EPHB3: variants seen among roughly 807,000 people sequenced by gnomAD.
The protein encoded by EPHB3 is EPH receptor B3.
EPHB3 carries 33 observed loss-of-function variants against 100.2 expected under a neutral mutation model. That is an observed-to-expected ratio of 0.33 (90% CI 0.25 to 0.44). The LOEUF (loss-of-function observed/expected upper bound fraction) is 0.44. Among genes scored for constraint, EPHB3 ranks in the 20% least tolerant of loss-of-function variants. EPHB3 has a pLI of 1.00. For missense variants in EPHB3, 1,045 were observed against 1,378.3 expected (o/e 0.76, Z 3.83); for synonymous variants, 526 against 554.7 (o/e 0.95, Z 0.73).
At position 184,561,911 on chromosome 3, in the gene EPHB3, A is replaced by T. The variant is rs1714255969; in HGVS notation, c.-325A>T. The stretch of plus-strand genomic sequence containing the variant: ...GCCAGATTACTGTGCATCCCGAATC[A>T]CGACCACCTGCACCCTCCTGCCCCG... On this transcript the variant is annotated 5_prime_UTR_variant, in exon 1 of 16. Transcript: ENST00000330394. The T allele has an allele frequency of 6.5e-6, 1 of 153,894 alleles. No individual in the cohort carries two copies. The highest frequency in any genetic ancestry group is 1.4e-5 in the Non-Finnish European group (1 of 69,454). 9.5% of individuals were successfully genotyped at this position (153,894 alleles called of 1,614,324 possible).
chr3:184,577,727 G>A lies in EPHB3; in HGVS notation c.1549G>A (p.Ala517Thr), dbSNP rs372320884. 39 of 1,611,338 alleles carry A rather than the reference G, an allele frequency of 2.4e-5. No individual in the cohort carries two copies. The highest frequency in any genetic ancestry group is 5.0e-5 in the Admixed American group (3 of 59,920). Residue 517 changes from alanine (A) to threonine (T), a missense_variant, in exon 7 of 16, where the codon GCC (alanine) becomes ACC (threonine). Around this residue, in one of 2 missense-constraint regions of EPHB3, gnomAD observed 985 missense variants for 1,331.1 expected, o/e 0.74. Transcript: ENST00000330394. This position sits in a 1 kb window ranked among gnomAD's most constrained non-coding sequence, Gnocchi z 4.9. ...GCAGCTGGACGGGCTTCGGCCTGAC[G>A]CCCGCTATGTGGTCCAGGTCCGTGC... is the stretch of plus-strand genomic sequence containing the variant. ...SVQLDGLRPDARYVVQVRART... is the reference protein window; with the variant it reads ...SVQLDGLRPDTRYVVQVRART...
Position 184,577,604 on chromosome 3 carries a change from G to T in EPHB3, c.1480-54G>T, listed in dbSNP as rs2108438944. 3 of 1,570,632 alleles carry T rather than the reference G, an allele frequency of 1.9e-6. No individual in the cohort carries two copies. In the Admixed American group the frequency reaches 5.2e-5, roughly 27 times the overall value. On this transcript the variant is annotated intron_variant, in intron 6 of 15. Transcript: ENST00000330394. The surrounding 1 kb of genome is among the most constrained non-coding windows in gnomAD (Gnocchi z 4.9). ...GTGGCAGGCCTGGGTGTGAATAGGGGCTGGTTGGCCTCAGGACCCACCTGA... is the reference window on the plus strand; with the variant it reads ...GTGGCAGGCCTGGGTGTGAATAGGGTCTGGTTGGCCTCAGGACCCACCTGA...
chr3:184,567,783 ATAC>A lies in EPHB3; in HGVS notation c.119-3533_119-3531del, dbSNP rs1714423843. Among the ~76,000 whole-genome samples, 4 of 152,310 alleles carry A rather than the reference ATAC, an allele frequency of 2.6e-5. No individual in the cohort carries two copies. In the South Asian group the frequency reaches 6.2e-4, roughly 24 times the overall value. ...GTGCAATTGGGTGTGTAAGGAGAAC[ATAC>A]TGCAGGGTTGGGGGTGAGTGCCCTC... On this transcript the variant is annotated intron_variant, in intron 1 of 15. Coordinates refer to ENST00000330394, the MANE Select transcript of EPHB3 (RefSeq NM_004443.4).
chr3:184,570,536 T>C (rs531314730), intron 1 of EPHB3, among the ~76,000 whole-genome samples: 5 of 152,342 alleles, frequency 3.3e-5, no homozygotes, highest in South Asian at 2.1e-4. Context: ...TCAAAGCGCA[T>C]CCCTGCCCCA....
At position 184,571,024 on chromosome 3, in the gene EPHB3, C is replaced by T. The variant is rs561552335; in HGVS notation, c.119-294C>T. On this transcript the variant is annotated intron_variant, in intron 1 of 15. Transcript: ENST00000330394. This position sits in a 1 kb window ranked among gnomAD's most constrained non-coding sequence, Gnocchi z 5.0. ...AGGGTGGAGTGCAGTAGTGCAATCT[C>T]GGCTCACTGCAACCTCCGTCTCCCA... Among the ~76,000 whole-genome samples the T allele has an allele frequency of 1.3e-5, 2 of 150,996 alleles. No individual in the cohort carries two copies. Among genetic ancestry groups the T allele is most frequent in the Admixed American group, 1.3e-4 (2 of 15,190 alleles).
chr3:184,580,648 G>A, intron 12 of EPHB3, 31 bp downstream of exon 12: 2 of 1,610,414 alleles, frequency 1.2e-6, no homozygotes, highest in African/African-American at 1.3e-5. Flanking sequence ...GGAGACTGGG[G>A]GCGGGGCCTA....
At position 184,573,599 on chromosome 3, in the gene EPHB3, C is replaced by T. The variant is rs1714596988; in HGVS notation, c.856+423C>T. Among the ~76,000 whole-genome samples, 1 of 121,984 alleles carries T rather than the reference C, an allele frequency of 8.2e-6. No individual in the cohort carries two copies. Among genetic ancestry groups the T allele is most frequent in the Non-Finnish European group, 1.8e-5 (1 of 55,128 alleles). The allele number at this position is 121,984 out of a possible 152,430, so 80.0% of individuals were successfully genotyped here. A position where few individuals can be genotyped will look rare whatever the true frequency, so the allele number is the denominator to read the frequency against. ...GGGTACCTTGTGCATGGCTTTTTAC[C>T]CTGGGCTCTCTGCCCCTTGGGAGGC... On this transcript the variant is annotated intron_variant, in intron 3 of 15. Coordinates refer to ENST00000330394, the MANE Select transcript of EPHB3 (RefSeq NM_004443.4). This position sits in a 1 kb window ranked among gnomAD's most constrained non-coding sequence, Gnocchi z 4.5.
chr3:184,580,989 G>A lies in EPHB3; in HGVS notation c.2556G>A (p.Glu852=), dbSNP rs768243244. 9 of 1,612,000 alleles carry A rather than the reference G, an allele frequency of 5.6e-6. No homozygotes were observed. The highest frequency in any genetic ancestry group is 3.3e-5 in the Admixed American group (2 of 59,974). Residue 852 remains glutamate (E), a synonymous_variant, in exon 14 of 16, where the codon GAG becomes GAA. Coordinates refer to ENST00000330394, the MANE Select transcript of EPHB3 (RefSeq NM_004443.4). ...MSNQDVINAV[E]QDYRLPPPMD... is the part of the protein sequence containing the mutation. Reference sequence around the variant, plus strand: ...CGGCCCAGGTCATCAATGCCGTGGAGCAGGATTACCGGCTGCCACCACCCA... The same window carrying A: ...CGGCCCAGGTCATCAATGCCGTGGAACAGGATTACCGGCTGCCACCACCCA...
In EPHB3 at chr3:184,581,842, T is replaced by C. The variant is rs1577533745; in HGVS notation, c.*220T>C. 1.1e-5 allele frequency: 6 copies of C among 528,338 alleles called. No individual in the cohort carries two copies. In the East Asian group the frequency reaches 1.9e-4, roughly 17 times the overall value. The allele number at this position is 528,338 out of a possible 1,614,324, so 32.7% of individuals were successfully genotyped here. A position where few individuals can be genotyped will look rare whatever the true frequency, so the allele number is the denominator to read the frequency against. ...GAAGATGGATTAGGAGAGGGGGTGA[T>C]GACCCCTCCCCAAGCCCCTCAGGGC... is the stretch of plus-strand genomic sequence containing the variant. On this transcript the variant is annotated 3_prime_UTR_variant, in exon 16 of 16. Transcript: ENST00000330394.
In EPHB3 at chr3:184,562,447, G is replaced by A; in HGVS notation, c.118+94G>A. ...TGGGTCCGACCCGGATTGAGCGCACGTCGGAGGAGGCCCCGCCACCGGCGC... is the reference window on the plus strand; with the variant it reads ...TGGGTCCGACCCGGATTGAGCGCACATCGGAGGAGGCCCCGCCACCGGCGC... On this transcript the variant is annotated intron_variant, in intron 1 of 15. Transcript: ENST00000330394. The surrounding 1 kb of genome is among the most constrained non-coding windows in gnomAD (Gnocchi z 4.8). 3.6e-6 allele frequency: 4 copies of A among 1,122,184 alleles called. No homozygotes were observed. Among genetic ancestry groups the A allele is most frequent in the Non-Finnish European group, 4.4e-6 (4 of 916,948 alleles). 69.5% of individuals were successfully genotyped at this position (1,122,184 alleles called of 1,614,324 possible).
Position 184,577,295 on chromosome 3 carries a change from G to T in EPHB3, c.1355-48G>T, listed in dbSNP as rs775972044. ...CCCATGGGAAGTGGGTCTTTGGGAA[G>T]GATGCCAGGGTCCAGGGAGCCCCTG... On this transcript the variant is annotated intron_variant, in intron 5 of 15. Transcript: ENST00000330394. This position sits in a 1 kb window ranked among gnomAD's most constrained non-coding sequence, Gnocchi z 4.9. 3.1e-6 allele frequency: 5 copies of T among 1,598,618 alleles called. No individual in the cohort carries two copies. In the South Asian group the frequency reaches 5.6e-5, roughly 18 times the overall value.
rs1714476155 is a variant in EPHB3, at chr3:184,569,188, G to C, written c.119-2130G>C. Among the ~76,000 whole-genome samples, 2 of 151,886 alleles carry C rather than the reference G, an allele frequency of 1.3e-5. No homozygotes were observed. Among genetic ancestry groups the C allele is most frequent in the African/African-American group, 2.4e-5 (1 of 41,362 alleles). ...GCTGGAGCCCCGGCCTGCTCCGGCG[G>C]GCGGACCGGCGGGCGGACCGGCGGG... On this transcript the variant is annotated intron_variant, in intron 1 of 15. Transcript: ENST00000330394. The surrounding 1 kb of genome is among the most constrained non-coding windows in gnomAD (Gnocchi z 5.4).
chr3:184,580,305 C>G, intron 11 of EPHB3, 97 bp from the exon 12 acceptor site: 2 of 1,478,300 alleles, frequency 1.4e-6, no homozygotes, highest in Admixed American at 3.5e-5. Context: ...GCAGGAGAGA[C>G]GAGGTAGAGT....
chr3:184,578,187 C>A lies in EPHB3; in HGVS notation c.1748+181C>A. On this transcript the variant is annotated intron_variant, in intron 8 of 15. Transcript: ENST00000330394. This position sits in a 1 kb window ranked among gnomAD's most constrained non-coding sequence, Gnocchi z 4.7. ...TCCCTGCCTGTGTCTTCATCCCGCCCTTTCTCCATACCCCATTCCCTGAAT... is the reference window on the plus strand; with the variant it reads ...TCCCTGCCTGTGTCTTCATCCCGCCATTTCTCCATACCCCATTCCCTGAAT... 1 of 867,792 alleles carries A rather than the reference C, an allele frequency of 1.2e-6. No individual in the cohort carries two copies. Among genetic ancestry groups the A allele is most frequent in the Non-Finnish European group, 1.7e-6 (1 of 576,170 alleles). The allele number at this position is 867,792 out of a possible 1,614,324, so 53.8% of individuals were successfully genotyped here. A position where few individuals can be genotyped will look rare whatever the true frequency, so the allele number is the denominator to read the frequency against.
At chr3:184,575,761 TG>T in intron 3 of EPHB3, 68 bp from the exon 4 acceptor site, 1 of 1,491,012 alleles carries the variant, frequency 6.7e-7, no homozygotes, top group Non-Finnish European at 8.9e-7. Flanking sequence ...CAGGTTCTCA[TG>T]GAGCTGCGGA....
Position 184,573,354 on chromosome 3 carries a change from G to A in EPHB3, c.856+178G>A, listed in dbSNP as rs1161872054. ...GCAGAGAATGTTGTGTAAGGAGGGA[G>A]AAGAGAGAGAAAATGAGGAGAGACA... On this transcript the variant is annotated intron_variant, in intron 3 of 15. Coordinates refer to ENST00000330394, the MANE Select transcript of EPHB3 (RefSeq NM_004443.4). The surrounding 1 kb of genome is among the most constrained non-coding windows in gnomAD (Gnocchi z 4.5). 1.3e-5 allele frequency among the ~76,000 whole-genome samples: 2 copies of A among 152,154 alleles called. No homozygotes were observed. Among genetic ancestry groups the A allele is most frequent in the African/African-American group, 4.8e-5 (2 of 41,430 alleles).
rs556769691 is a variant in EPHB3, at chr3:184,573,254, C to T, written c.856+78C>T. On this transcript the variant is annotated intron_variant, in intron 3 of 15. Transcript: ENST00000330394. The surrounding 1 kb of genome is among the most constrained non-coding windows in gnomAD (Gnocchi z 4.5). ...CTACCTACCGCCCCGCCCCCCACCCCTGCTTGCTATCTGACTAGGAGGTCT... is the reference window on the plus strand; with the variant it reads ...CTACCTACCGCCCCGCCCCCCACCCTTGCTTGCTATCTGACTAGGAGGTCT... The T allele has an allele frequency of 2.2e-4, 352 of 1,566,120 alleles. 1 individual carries two copies. In the South Asian group the frequency reaches 2.9e-3, roughly 13 times the overall value.
Position 184,578,621 on chromosome 3 carries a change from C to T in EPHB3, c.1801+155C>T, listed in dbSNP as rs1192899004. ...GTGGCATTTCCTGACCCCTATCTCA[C>T]TCCGGGTACCCTGGGCCCCTACTCA... On this transcript the variant is annotated intron_variant, in intron 9 of 15. Coordinates refer to ENST00000330394, the MANE Select transcript of EPHB3 (RefSeq NM_004443.4). This position sits in a 1 kb window ranked among gnomAD's most constrained non-coding sequence, Gnocchi z 4.7. 6.6e-6 allele frequency among the ~76,000 whole-genome samples: 1 copy of T among 152,186 alleles called. No individual in the cohort carries two copies. The highest frequency in any genetic ancestry group is 2.4e-5 in the African/African-American group (1 of 41,438).
rs1388719047 is a variant in EPHB3, at chr3:184,581,616, G to C, written c.2991G>C (p.Gln997His). The change falls in exon 16 of 16, where the codon CAG becomes CAC. Residue 997 changes from glutamine to histidine, a missense_variant. Coordinates refer to ENST00000330394, the MANE Select transcript of EPHB3 (RefSeq NM_004443.4). ...RLQMNQTLPV[Q>H]V ...AGATGAACCAGACGCTGCCTGTGCA[G>C]GTCTGACACCGGCTCCCACGGGGAC... The C allele has an allele frequency of 9.9e-6, 16 of 1,609,202 alleles. No homozygotes were observed. The Admixed American group carries it at 2.5e-4, about 25-fold the overall frequency.
Sources: allele counts gnomAD v4.1 joint callset (sites outside exome capture counted in the v4.1 genomes callset), GRCh38; gene constraint gnomAD v4.1.1; regional missense constraint gnomAD v4.1.1; non-coding constraint Gnocchi (gnomAD v3.1); transcripts MANE v1.5; gene names NCBI Gene and HGNC (gene_info 2026-07-23, HGNC 2026-07-21).